Variants in PCDHA2 observed in about 807,000 individuals in gnomAD.
PCDHA2 encodes the protein protocadherin alpha-2.
PCDHA2 carries 58 observed loss-of-function variants against 66.0 expected under a neutral mutation model. The ratio of observed to expected loss-of-function variants is 0.88; its 90% CI spans 0.71 to 1.09. PCDHA2 has a LOEUF of 1.09. PCDHA2 is among the 50% of genes least tolerant of loss of function. The pLI is 0.00. For missense variants in PCDHA2, 1,267 were observed against 1,242.3 expected, an observed-to-expected ratio of 1.02 and a Z score of -0.30; for synonymous variants, 634 against 554.0, an observed-to-expected ratio of 1.14 and a Z score of -2.03.
intron 1 of PCDHA2, among the ~76,000 whole-genome samples, chr5:140,915,901 G>A (rs1339531688): frequency 1.3e-5 from 2 of 152,250 alleles, no homozygotes; most frequent in East Asian, 1.9e-4. Flanking sequence ...CCTGGCCCTG[G>A]GCAGGCCCAG....
chr5:140,885,293 G>C (rs945786135), intron 1 of PCDHA2, among the ~76,000 whole-genome samples: 8 of 152,122 alleles, frequency 5.3e-5, no homozygotes, highest in Non-Finnish European at 1.5e-5. Context: ...TATAGAGAGA[G>C]ACCTGGTAGG....
Position 140,871,139 on chromosome 5 carries a change from C to T in PCDHA2, c.2388+73787C>T, listed in dbSNP as rs782085001. 8 of 1,613,312 alleles carry T rather than the reference C, an allele frequency of 5.0e-6. No individual in the cohort carries two copies. The African/African-American group carries it at 6.7e-5, about 13-fold the overall frequency. On this transcript the variant is annotated intron_variant, in intron 1 of 3. Coordinates refer to ENST00000526136, the MANE Select transcript of PCDHA2 (RefSeq NM_018905.3). ...AGCGGACAGGCGCCAAAGGCCTCTTCCCGGACTTTGGCGGGCGCCGCGAGC... is the reference window on the plus strand; with the variant it reads ...AGCGGACAGGCGCCAAAGGCCTCTTTCCGGACTTTGGCGGGCGCCGCGAGC...
At chr5:140,868,380 G>T (rs2050428157) in intron 1 of PCDHA2, 1 of 152,028 alleles carries the variant, frequency 6.6e-6, no homozygotes, top group South Asian at 2.1e-4. Context: ...AGTAAAGAAT[G>T]AGAACTATAG....
At chr5:140,803,435 G>GAGCT in intron 1 of PCDHA2, 1 of 1,614,210 alleles carries the variant, frequency 6.2e-7, no homozygotes, top group South Asian at 1.1e-5. Context: ...GCGCGGTGGG[G>GAGCT]AGCTGGTCAT....
rs781870271 is a variant in PCDHA2, at chr5:140,968,199, T to C, written c.2389-10750T>C. The C allele has an allele frequency of 4.3e-6, 7 of 1,613,986 alleles. No homozygotes were observed. The South Asian group carries it at 7.7e-5, about 18-fold the overall frequency. The stretch of plus-strand genomic sequence containing the variant: ...CTGGAGGACTCCTATTCCATCTACA[T>C]ACAGGAGAACAATTTGCCAGGTGTG... On this transcript the variant is annotated intron_variant, in intron 1 of 3. Transcript: ENST00000526136.
At chr5:140,841,167 G>T (rs1003651834) in intron 1 of PCDHA2, 106 of 954,536 alleles carry the variant, frequency 1.1e-4, no homozygotes, top group Non-Finnish European at 3.5e-5. Context: ...AAGAAGTTCT[G>T]GTTGGTCAAT....
chr5:140,928,792 G>A (rs1190569981), intron 1 of PCDHA2: 2 of 1,614,048 alleles, frequency 1.2e-6, no homozygotes, highest in Non-Finnish European at 1.7e-6. Context: ...TAAGCAGAGG[G>A]TGGTGGTAGT....
At chr5:140,882,188 A>G (rs1446435577) in intron 1 of PCDHA2, 6 of 1,519,650 alleles carry the variant, frequency 3.9e-6, no homozygotes, top group African/African-American at 1.4e-5. Context: ...CTAGGAAGCC[A>G]TAAAAATTGG....
intron 1 of PCDHA2, chr5:140,847,418 T>C (rs1171051220): frequency 6.7e-6 from 1 of 149,686 alleles, no homozygotes; most frequent in Non-Finnish European, 1.5e-5. Context: ...CTCACGGTTT[T>C]GCCTTTAGAC....
In PCDHA2 at chr5:141,010,151, C is replaced by T. The variant is rs1554262715; in HGVS notation, c.*214C>T. 1 of 1,578,076 alleles carries T rather than the reference C, an allele frequency of 6.3e-7. No homozygotes were observed. Among genetic ancestry groups the T allele is most frequent in the South Asian group, 1.1e-5 (1 of 87,432 alleles). On this transcript the variant is annotated 3_prime_UTR_variant, in exon 4 of 4. Transcript: ENST00000526136. The stretch of plus-strand genomic sequence containing the variant: ...CTGGTGTTAACTCTTTCTCTCCACT[C>T]TGGCTTGTTTTCAGAACCTAAAAAG...
chr5:140,815,673 C>A (rs2126666211), intron 1 of PCDHA2: 1 of 152,054 alleles, frequency 6.6e-6, no homozygotes, highest in Non-Finnish European at 1.5e-5. Flanking sequence ...TACTAGTGAG[C>A]TTTATACTTT....
At chr5:140,805,838 A>G (rs1763637111) in intron 1 of PCDHA2, among the ~76,000 whole-genome samples, 1 of 152,206 alleles carries the variant, frequency 6.6e-6, no homozygotes, top group Non-Finnish European at 1.5e-5. Flanking sequence ...TTTCCCAACT[A>G]GATATGCGAT....
In PCDHA2 at chr5:140,859,591, T is replaced by C. The variant is rs540429741; in HGVS notation, c.2388+62239T>C. On this transcript the variant is annotated intron_variant, in intron 1 of 3. Transcript: ENST00000526136. Reference sequence around the variant, plus strand: ...AATTTGTCATCTTGCCTATGGCTCTTAGCAATTACTTTTTTCTTTCCTTTC... The same window carrying C: ...AATTTGTCATCTTGCCTATGGCTCTCAGCAATTACTTTTTTCTTTCCTTTC... 5 of 165,482 alleles carry C rather than the reference T, an allele frequency of 3.0e-5. No homozygotes were observed. The East Asian group carries it at 9.4e-4, about 31-fold the overall frequency. 10.3% of individuals were successfully genotyped at this position (165,482 alleles called of 1,614,324 possible). A position where few individuals can be genotyped will look rare whatever the true frequency, so the allele number is the denominator to read the frequency against.
chr5:140,912,395 T>C (rs782718158), intron 1 of PCDHA2, among the ~76,000 whole-genome samples: 10 of 152,138 alleles, frequency 6.6e-5, no homozygotes, highest in Non-Finnish European at 1.5e-4. Flanking sequence ...CTTAATTTGA[T>C]TCTCAGCTTG....
At chr5:140,968,921 T>C (rs111394602) in intron 1 of PCDHA2, 34 of 1,614,098 alleles carry the variant, frequency 2.1e-5, no homozygotes, top group Non-Finnish European at 2.6e-5. Context: ...GTCTTTTATA[T>C]TTCTTTTGAC....
Position 140,795,671 on chromosome 5 carries a change from A to G in PCDHA2, c.707A>G (p.Asn236Ser). The G allele has an allele frequency of 6.2e-7, 1 of 1,614,128 alleles. No homozygotes were observed. Among genetic ancestry groups the G allele is most frequent in the Non-Finnish European group, 8.5e-7 (1 of 1,180,006 alleles). ...VQILIKVLDV[N>S]DNEPTFAQSV... ...ATACTTATTAAGGTATTAGATGTAAATGACAATGAACCAACTTTTGCCCAA... is the reference window on the plus strand; with the variant it reads ...ATACTTATTAAGGTATTAGATGTAAGTGACAATGAACCAACTTTTGCCCAA... The change falls in exon 1 of 4, where the codon AAT becomes AGT. Residue 236 changes from asparagine to serine, a missense_variant. Physicochemically the swap from Asn to Ser is conservative, Grantham distance 46. Transcript: ENST00000526136.
intron 1 of PCDHA2, chr5:140,855,937 A>G: frequency 7.7e-7 from 1 of 1,306,456 alleles, no homozygotes; most frequent in Non-Finnish European, 1.1e-6. Flanking sequence ...TCATTCTGAG[A>G]TCTCAGCCAT....
chr5:140,805,660 A>C (rs1356388954), intron 1 of PCDHA2: 1 of 845,766 alleles, frequency 1.2e-6, no homozygotes, highest in Non-Finnish European at 1.4e-6. Flanking sequence ...TTCATTCCCC[A>C]TTAATACCCA....
intron 1 of PCDHA2, chr5:140,821,870 A>C (rs2150111389): frequency 6.2e-7 from 1 of 1,613,994 alleles, no homozygotes; most frequent in South Asian, 1.1e-5. Flanking sequence ...CAGCTCCACT[A>C]CTCGATCCCG....
Sources: gnomAD v4.1 joint callset for allele counts (sites outside exome capture counted in the v4.1 genomes callset) on GRCh38, gnomAD v4.1.1 for gene constraint, MANE v1.5 for transcripts, NCBI Gene and HGNC (gene_info 2026-07-23, HGNC 2026-07-21) for gene names.